Variants in SGMS1 observed in about 807,000 individuals in gnomAD.
SGMS1 encodes the protein sphingomyelin synthase 1.
A neutral mutation model predicts 46.2 loss-of-function variants in SGMS1; 13 were observed. That is an observed-to-expected ratio of 0.28 (90% confidence interval 0.18 to 0.45). The LOEUF (loss-of-function observed/expected upper bound fraction) is 0.45. SGMS1 is among the 20% of genes least tolerant of loss of function. SGMS1 has a pLI of 1.00. For synonymous variants in SGMS1, 203 were observed against 187.8 expected (o/e 1.08, Z -0.66); for missense variants, 324 against 519.9 (o/e 0.62, Z 3.66).
At chr10:50,446,120 C>A (rs149052285) in intron 5 of SGMS1, among the ~76,000 whole-genome samples, 5,158 of 152,180 alleles carry the variant, frequency 0.034, 293 homozygotes, top group African/African-American at 0.12. Flanking sequence ...AATGACAATG[C>A]GTGCCCGAAA....
At chr10:50,607,300 T>A (rs1409096967) in intron 1 of SGMS1, among the ~76,000 whole-genome samples, 1 of 152,100 alleles carries the variant, frequency 6.6e-6, no homozygotes, top group East Asian at 1.9e-4. Flanking sequence ...GTACTTTGTG[T>A]ATAACAGCAT....
chr10:50,540,105 T>C (rs2133817112), intron 2 of SGMS1, among the ~76,000 whole-genome samples: 1 of 152,352 alleles, frequency 6.6e-6, no homozygotes, highest in East Asian at 1.9e-4. Context: ...ATGACCTGTA[T>C]TAGACTGGCA....
intron 5 of SGMS1, among the ~76,000 whole-genome samples, chr10:50,442,403 C>T (rs1849557704): frequency 6.6e-6 from 1 of 151,918 alleles, no homozygotes; most frequent in Non-Finnish European, 1.5e-5. Flanking sequence ...GTGTTCTCAT[C>T]ATTCAGCTCC....
chr10:50,463,816 C>A (rs762980363), intron 4 of SGMS1, among the ~76,000 whole-genome samples: 1 of 152,166 alleles, frequency 6.6e-6, no homozygotes, highest in Non-Finnish European at 1.5e-5. Flanking sequence ...ATGGTATATA[C>A]ATACAATGGA....
chr10:50,518,183 T>G (rs1041742152), intron 3 of SGMS1, among the ~76,000 whole-genome samples: 2 of 152,194 alleles, frequency 1.3e-5, no homozygotes, highest in Non-Finnish European at 2.9e-5. Flanking sequence ...GAGTCTTCAT[T>G]AGGTATACTA....
intron 6 of SGMS1, among the ~76,000 whole-genome samples, chr10:50,378,493 C>A (rs551830831): frequency 8.5e-4 from 130 of 152,302 alleles, no homozygotes; most frequent in African/African-American, 3.0e-3. Context: ...GTCCTAAAGT[C>A]TGTCCTAGGC....
intron 9 of SGMS1, among the ~76,000 whole-genome samples, chr10:50,308,815 G>A (rs945711402): frequency 4.6e-5 from 7 of 152,144 alleles, no homozygotes; most frequent in Non-Finnish European, 1.0e-4. Flanking sequence ...TCTCAATTGT[G>A]GGATTCAGAG....
chr10:50,580,947 A>C (rs1326987536), intron 2 of SGMS1, among the ~76,000 whole-genome samples: 1 of 152,220 alleles, frequency 6.6e-6, no homozygotes, highest in African/African-American at 2.4e-5. Flanking sequence ...TTTTATAAAA[A>C]AGAATCACCT....
At chr10:50,332,801 T>A (rs973377777) in intron 7 of SGMS1, among the ~76,000 whole-genome samples, 8 of 151,842 alleles carry the variant, frequency 5.3e-5, no homozygotes, top group African/African-American at 1.7e-4. Flanking sequence ...TTTTAAAAAA[T>A]TTTCTGTAAA....
At chr10:50,490,541 G>A (rs140230930) in intron 3 of SGMS1, among the ~76,000 whole-genome samples, 40 of 152,312 alleles carry the variant, frequency 2.6e-4, no homozygotes, top group Middle Eastern at 6.8e-3. Flanking sequence ...ATGGTTTCTC[G>A]TTAGCTCTGT....
At chr10:50,416,754 G>A (rs1261563140) in intron 6 of SGMS1, among the ~76,000 whole-genome samples, 3 of 150,906 alleles carry the variant, frequency 2.0e-5, no homozygotes, top group Non-Finnish European at 4.4e-5. Flanking sequence ...GGAGCTCATA[G>A]GGTAACTTAA....
At chr10:50,506,323 C>T (rs551173077) in intron 3 of SGMS1, among the ~76,000 whole-genome samples, 126 of 152,254 alleles carry the variant, frequency 8.3e-4, no homozygotes, top group African/African-American at 3.0e-3. Context: ...ATTTTTGCAT[C>T]TCTAGTGCCT....
chr10:50,312,922 T>A (rs7910519), intron 8 of SGMS1, among the ~76,000 whole-genome samples: 34,224 of 152,076 alleles, frequency 0.23, 4,420 homozygotes, highest in Middle Eastern at 0.35. Context: ...GATGTCATCA[T>A]GGAGATGAGC....
In SGMS1 at chr10:50,307,173, A is replaced by G; in HGVS notation, c.1211T>C (p.Val404Ala). Residue 404 changes from valine (V) to alanine (A), a missense_variant, in exon 11 of 11, where the codon GTT becomes GCT. Val to Ala is a moderately conservative substitution (Grantham distance 64). This residue lies in a region of SGMS1 where 174 missense variants were observed against 350.1 expected (regional missense o/e 0.50). Transcript: ENST00000361781. The surrounding 1 kb of genome is among the most constrained non-coding windows in gnomAD (Gnocchi z 4.2). ...PWPVVHLSRQVKYSRLVNDT is the reference protein window; with the variant it reads ...PWPVVHLSRQAKYSRLVNDT ...GTCATTCACCAGCCGGCTGTATTTA[A>G]CTTGCCTACTGAGGTGGACTACTGG... 1 of 1,614,000 alleles carries G rather than the reference A, an allele frequency of 6.2e-7. No homozygotes were observed. The highest frequency in any genetic ancestry group is 2.2e-5 in the East Asian group (1 of 44,884).
intron 1 of SGMS1, among the ~76,000 whole-genome samples, chr10:50,614,611 G>A (rs1055150335): frequency 1.3e-5 from 2 of 152,160 alleles, no homozygotes; most frequent in Non-Finnish European, 2.9e-5. Flanking sequence ...GCAGAGGTGG[G>A]TCCCAGCCCT....
In SGMS1 at chr10:50,362,901, G is replaced by C. The variant is rs541838135; in HGVS notation, c.-231-18556C>G. Among the ~76,000 whole-genome samples the C allele has an allele frequency of 2.6e-5, 4 of 152,268 alleles. No homozygotes were observed. In the South Asian group the frequency reaches 6.2e-4, roughly 24 times the overall value. On this transcript the variant is annotated intron_variant, in intron 6 of 10. Transcript: ENST00000361781. ...ACTGATACTTCAGGAGGAAAGAAGA[G>C]AGAGCAACATGTTAAAAGCAGATCA... is the stretch of plus-strand genomic sequence containing the variant.
rs372871508 is a variant in SGMS1, at chr10:50,506,250, T to C, written c.-498+13581A>G. 2.5e-4 allele frequency among the ~76,000 whole-genome samples: 38 copies of C among 152,306 alleles called. No individual in the cohort carries two copies. In the East Asian group the frequency reaches 5.2e-3, roughly 21 times the overall value. On this transcript the variant is annotated intron_variant, in intron 3 of 10. Transcript: ENST00000361781. ...TAATTAAATCATTATTTCTGTAATT[T>C]AATGTCTGCTCTGCCTCAATAAACT...
At chr10:50,466,869 A>G (rs958786103) in intron 4 of SGMS1, 21 bp downstream of exon 4, 1 of 152,238 alleles carries the variant, frequency 6.6e-6, no homozygotes, top group Non-Finnish European at 1.5e-5. Flanking sequence ...TAAAAGGTAA[A>G]TAATTTAAAA....
intron 5 of SGMS1, among the ~76,000 whole-genome samples, chr10:50,452,869 C>A (rs1487871085): frequency 6.6e-6 from 1 of 152,188 alleles, no homozygotes; most frequent in Non-Finnish European, 1.5e-5. Flanking sequence ...GAATTCATAA[C>A]CAACAACCAG....
Sources: gnomAD v4.1 joint callset for allele counts (sites outside exome capture counted in the v4.1 genomes callset) on GRCh38, gnomAD v4.1.1 for gene constraint, gnomAD v4.1.1 regional missense constraint, Gnocchi (gnomAD v3.1) non-coding constraint, MANE v1.5 for transcripts, NCBI Gene and HGNC (gene_info 2026-07-23, HGNC 2026-07-21) for gene names.